WDR11: variants seen among roughly 807,000 people sequenced by gnomAD.
WDR11 encodes WD repeat-containing protein 11.
WDR11 carries 83 observed loss-of-function variants against 151.2 expected under a neutral mutation model. The observed-to-expected ratio is 0.55, with a 90% CI of 0.46 to 0.66. WDR11 has a LOEUF of 0.66. Among genes scored for constraint, WDR11 ranks in the 30% least tolerant of loss-of-function variants. The pLI, the probability that WDR11 is intolerant of heterozygous loss-of-function variation, is 0.00. For missense variants in WDR11, 1,301 were observed against 1,480.9 expected (o/e 0.88, Z 1.99); for synonymous variants, 484 against 533.1 (o/e 0.91, Z 1.27).
intron 11 of WDR11, among the ~76,000 whole-genome samples, chr10:120,875,814 T>G (rs908306484): frequency 8.5e-5 from 7 of 82,576 alleles, no homozygotes; most frequent in Admixed American, 2.0e-4. Context: ...CAGTTTCCAG[T>G]TTTTTTTTAT....
chr10:120,876,612 C>G (rs1846801258), intron 11 of WDR11, among the ~76,000 whole-genome samples: 1 of 152,214 alleles, frequency 6.6e-6, no homozygotes, highest in Non-Finnish European at 1.5e-5. Flanking sequence ...TCTTCTCTCT[C>G]TCTCTTTCCC....
chr10:120,879,237 A>T (rs556291096), intron 12 of WDR11: 1 of 152,340 alleles, frequency 6.6e-6, no homozygotes, highest in South Asian at 2.1e-4. Context: ...TTGTAAATAA[A>T]TGAAGTACAT....
At position 120,890,859 on chromosome 10, in the gene WDR11, C is replaced by G; in HGVS notation, c.2487C>G (p.Cys829Trp). ...RVLEMSMKSA[C>W]FRMDEQELTE... ...TAGAGATGTCTATGAAGTCTGCGTG[C>G]TTTAGAATGGATGAACAAGAGTTAA... is the stretch of plus-strand genomic sequence containing the variant. The change falls in exon 19 of 29, where the codon TGC (cysteine) becomes TGG (tryptophan). Residue 829 changes from cysteine to tryptophan, a missense_variant. Coordinates refer to ENST00000263461, the MANE Select transcript of WDR11 (RefSeq NM_018117.12). 6.2e-7 allele frequency: 1 copy of G among 1,614,118 alleles called. No individual in the cohort carries two copies. Among genetic ancestry groups the G allele is most frequent in the Non-Finnish European group, 8.5e-7 (1 of 1,180,022 alleles).
chr10:120,879,442 T>A (rs1470553034), intron 12 of WDR11: 1 of 152,176 alleles, frequency 6.6e-6, no homozygotes, highest in Non-Finnish European at 1.5e-5. Flanking sequence ...AGAATGGTAC[T>A]GGCCCTGTGT....
intron 19 of WDR11, chr10:120,899,715 G>A (rs889460209): frequency 5.0e-5 from 16 of 316,848 alleles, no homozygotes; most frequent in Admixed American, 8.9e-5. Flanking sequence ...CCCGGGAGGC[G>A]GAGGTTGCTG....
Position 120,905,305 on chromosome 10 carries a change from C to CT in WDR11, c.3194-10dup, listed in dbSNP as rs765463513. ...CTGCAGTGTCACTTAAGGGGATGCG[C>CT]TTTTGTCTTTCAGAGGGCGTTCAGT... On this transcript the variant is annotated splice_polypyrimidine_tract_variant and intron_variant, in intron 25 of 28. Transcript: ENST00000263461. 2.9e-5 allele frequency: 47 copies of CT among 1,613,638 alleles called. No homozygotes were observed. Among genetic ancestry groups the CT allele is most frequent in the Non-Finnish European group, 4.0e-5 (47 of 1,179,858 alleles).
chr10:120,890,605 C>G, intron 18 of WDR11, 111 bp from the exon 19 acceptor site: 1 of 1,320,648 alleles, frequency 7.6e-7, no homozygotes, highest in Non-Finnish European at 1.1e-6. Context: ...CTGTTCAGTT[C>G]TAAACTTGAA....
intron 2 of WDR11, 103 bp from the exon 3 acceptor site, chr10:120,858,540 T>G (rs1042671304): frequency 1.5e-6 from 2 of 1,346,288 alleles, no homozygotes; most frequent in Non-Finnish European, 2.1e-6. Flanking sequence ...TAAATGTTTA[T>G]GTAATATAAA....
At chr10:120,899,171 T>C (rs948587341) in intron 19 of WDR11, among the ~76,000 whole-genome samples, 3 of 152,076 alleles carry the variant, frequency 2.0e-5, no homozygotes, top group African/African-American at 7.2e-5. Context: ...GTGTTCTAAG[T>C]AAGCCAGCTG....
intron 28 of WDR11, chr10:120,908,130 C>A: frequency 9.6e-6 from 2 of 207,914 alleles, no homozygotes; most frequent in South Asian, 8.8e-5. Context: ...TTCTAAAAAC[C>A]CAACAACCAG....
In WDR11 at chr10:120,874,188, T is replaced by G. The variant is rs12252998; in HGVS notation, c.1556+265T>G. Among the ~76,000 whole-genome samples the G allele has an allele frequency of 7.5e-3, 682 of 90,854 alleles. 12 individuals are homozygous for G. Among genetic ancestry groups the G allele is most frequent in the African/African-American group, 0.021 (560 of 26,774 alleles). The allele number at this position is 90,854 out of a possible 152,430, so 59.6% of individuals were successfully genotyped here. ...TGCGGTTTTTGCAGTTTTTTTTTTT[T>G]TTTTGTTGTTGTTGTTGTTGTTTGT... is the stretch of plus-strand genomic sequence containing the variant. On this transcript the variant is annotated intron_variant, in intron 11 of 28. Transcript: ENST00000263461.
At chr10:120,875,347 G>A (rs1394181597) in intron 11 of WDR11, among the ~76,000 whole-genome samples, 4 of 152,208 alleles carry the variant, frequency 2.6e-5, no homozygotes, top group South Asian at 2.1e-4. Context: ...AGAGCTGTCC[G>A]AGGGAAAGCT....
Position 120,902,243 on chromosome 10 carries a change from G to T in WDR11, c.2688-14G>T. ...AAAACTTTTGTCTCACTTTTGTCCG[G>T]ATTTCTTCCACAGTGACATAAAGAA... On this transcript the variant is annotated splice_polypyrimidine_tract_variant and intron_variant, in intron 21 of 28. Coordinates refer to ENST00000263461, the MANE Select transcript of WDR11 (RefSeq NM_018117.12). 2 of 1,613,568 alleles carry T rather than the reference G, an allele frequency of 1.2e-6. No individual in the cohort carries two copies. Among genetic ancestry groups the T allele is most frequent in the African/African-American group, 1.3e-5 (1 of 75,020 alleles).
chr10:120,885,933 G>A lies in WDR11; in HGVS notation c.1968G>A (p.Val656=). The stretch of plus-strand genomic sequence containing the variant: ...AGCTGAGTATTGTTGAATCATCTGT[G>A]ATCAGGTACAGTACAGTGTTTCTTG... ...DTELSIVESS[V]ISLLQEAESK... Residue 656 remains valine, a synonymous_variant, in exon 15 of 29, where the codon GTG becomes GTA. Transcript: ENST00000263461. The A allele has an allele frequency of 2.5e-6, 4 of 1,613,426 alleles. No homozygotes were observed. Among genetic ancestry groups the A allele is most frequent in the Non-Finnish European group, 3.4e-6 (4 of 1,179,658 alleles).
chr10:120,907,398 T>C, intron 28 of WDR11: 1 of 161,238 alleles, frequency 6.2e-6, no homozygotes, highest in Non-Finnish European at 1.4e-5. Flanking sequence ...TAAATGGCAC[T>C]TGAGCAACAT....
chr10:120,904,911 T>C lies in WDR11; in HGVS notation c.3193+100T>C. 1.1e-5 allele frequency: 16 copies of C among 1,402,934 alleles called. No individual in the cohort carries two copies. The South Asian group carries it at 1.3e-4, about 12-fold the overall frequency. 86.9% of individuals were successfully genotyped at this position (1,402,934 alleles called of 1,614,324 possible). A position where few individuals can be genotyped will look rare whatever the true frequency, so the allele number is the denominator to read the frequency against. ...GGGACATTTCTTTCTCTTTTACATA[T>C]GCTGAAGAAAAATAGAAAAATTATT... On this transcript the variant is annotated intron_variant, in intron 25 of 28. Coordinates refer to ENST00000263461, the MANE Select transcript of WDR11 (RefSeq NM_018117.12).
chr10:120,864,970 A>G, intron 5 of WDR11, 77 bp from the exon 6 acceptor site: 1 of 1,524,080 alleles, frequency 6.6e-7, no homozygotes, highest in Non-Finnish European at 9.1e-7. Context: ...TTTTATGTGT[A>G]AAGTACAAAA....
intron 13 of WDR11, 83 bp downstream of exon 13, chr10:120,880,984 T>C: frequency 8.4e-7 from 1 of 1,194,132 alleles, no homozygotes; most frequent in Non-Finnish European, 1.2e-6. Flanking sequence ...AAAATGGGAA[T>C]GTGCTGGAAT....
At chr10:120,868,349 G>T (rs1846390765) in intron 9 of WDR11, among the ~76,000 whole-genome samples, 1 of 152,036 alleles carries the variant, frequency 6.6e-6, no homozygotes, top group Admixed American at 6.5e-5. Flanking sequence ...AGCTACTTAG[G>T]GGGCTGAGGC....
Sources: gnomAD v4.1 joint callset for allele counts (sites outside exome capture counted in the v4.1 genomes callset) on GRCh38, gnomAD v4.1.1 for gene constraint, MANE v1.5 for transcripts, NCBI Gene and HGNC (gene_info 2026-07-23, HGNC 2026-07-21) for gene names.